The following UNC5A variants were observed in gnomAD, a reference collection of about 807,000 sequenced individuals.
UNC5A encodes the protein unc-5 netrin receptor A.
UNC5A carries 20 observed loss-of-function variants against 87.4 expected under a neutral mutation model. That is an observed-to-expected ratio of 0.23 (90% CI 0.16 to 0.33). The LOEUF (loss-of-function observed/expected upper bound fraction) is 0.33, where lower values mean the gene tolerates loss of function less well. UNC5A is among the 10% of genes least tolerant of loss of function. UNC5A has a pLI of 1.00. For synonymous variants in UNC5A, 438 were observed against 482.3 expected (o/e 0.91, Z 1.20); for missense variants, 844 against 1,133.4 (o/e 0.74, Z 3.67).
At chr5:176,830,603 GGTGTGTGTGTGCGCTGGCGT>G (rs1756980386) in intron 1 of UNC5A, among the ~76,000 whole-genome samples, 1 of 132,006 alleles carries the variant, frequency 7.6e-6, no homozygotes, top group Non-Finnish European at 1.6e-5. Flanking sequence ...TGTGCATGCT[GGTGTGTGTGTGCGCTGGCGT>G]GTGTGTGTGT....
chr5:176,847,364 C>G (rs752570275), intron 1 of UNC5A, among the ~76,000 whole-genome samples: 10 of 152,230 alleles, frequency 6.6e-5, no homozygotes, highest in Non-Finnish European at 1.2e-4. Flanking sequence ...CCCCGCCCTC[C>G]CTCCAGGGCC....
intron 8 of UNC5A, among the ~76,000 whole-genome samples, chr5:176,876,902 G>C (rs985027911): frequency 6.6e-6 from 1 of 152,182 alleles, no homozygotes; most frequent in East Asian, 1.9e-4. Context: ...TGCCTTTCAG[G>C]GGACAAGGGA....
intron 1 of UNC5A, among the ~76,000 whole-genome samples, chr5:176,827,384 T>C (rs1756881935): frequency 6.6e-6 from 1 of 152,064 alleles, no homozygotes; most frequent in African/African-American, 2.4e-5. Context: ...GGTTTCACCA[T>C]GTTGGCCAGG....
rs369918620 is a variant in UNC5A at position 176,879,451 on chromosome 5, G to A, written c.2326G>A (p.Asp776Asn). 82 of 1,611,388 alleles carry A rather than the reference G, an allele frequency of 5.1e-5. No homozygotes were observed. The highest frequency in any genetic ancestry group is 1.9e-4 in the African/African-American group (14 of 75,022). ...SLDPPCRRGA[D>N]WRTLAQKLHL... ...GGACCCACCCTGTAGGCGGGGTGCC[G>A]ACTGGCGGACTCTGGCCCAGAAACT... Residue 776 changes from aspartate (D) to asparagine (N), a missense_variant, in exon 14 of 15, where the codon GAC becomes AAC. Around this residue, in one of 3 missense-constraint regions of UNC5A, gnomAD observed 177 missense variants for 279.4 expected, o/e 0.63. Coordinates refer to ENST00000329542, the MANE Select transcript of UNC5A (RefSeq NM_133369.3).
intron 8 of UNC5A, 70 bp from the exon 9 acceptor site, chr5:176,877,122 A>G: frequency 7.9e-7 from 1 of 1,273,512 alleles, no homozygotes. Flanking sequence ...AGGCTCCTGG[A>G]GGGGCTGTGT....
At chr5:176,862,876 A>T in intron 2 of UNC5A, 31 bp downstream of exon 2, 1 of 1,609,168 alleles carries the variant, frequency 6.2e-7, no homozygotes, top group East Asian at 2.2e-5. Flanking sequence ...GGCAGGGCCA[A>T]TCCGGGGGAG....
chr5:176,872,075 AC>A (rs1383389974), intron 6 of UNC5A, among the ~76,000 whole-genome samples: 6 of 26,260 alleles, frequency 2.3e-4, no homozygotes, highest in Admixed American at 4.8e-4. Flanking sequence ...GCCCACACTC[AC>A]CCCACACCAC....
In UNC5A at chr5:176,845,094, C is replaced by T. The variant is rs1236878432; in HGVS notation, c.71-17530C>T. Among the ~76,000 whole-genome samples, 5 of 152,326 alleles carry T rather than the reference C, an allele frequency of 3.3e-5. No homozygotes were observed. In the East Asian group the frequency reaches 9.6e-4, roughly 29 times the overall value. On this transcript the variant is annotated intron_variant, in intron 1 of 14. Transcript: ENST00000329542. ...ATGACAGAGGCATCTTCTGCTCCCG[C>T]CCTGCCTCCCTCCCCGCCAGGAGAG...
intron 1 of UNC5A, among the ~76,000 whole-genome samples, chr5:176,830,960 G>A (rs1259300538): frequency 2.7e-5 from 4 of 149,720 alleles, no homozygotes; most frequent in African/African-American, 1.0e-4. Flanking sequence ...ATGTGCCGGC[G>A]TGTGTGTGTG....
At chr5:176,856,710 C>T (rs932268126) in intron 1 of UNC5A, among the ~76,000 whole-genome samples, 3 of 152,154 alleles carry the variant, frequency 2.0e-5, no homozygotes, top group Non-Finnish European at 2.9e-5. Flanking sequence ...AGGTCCACCA[C>T]AGTCCACACC....
Position 176,874,927 on chromosome 5 carries a change from C to T in UNC5A, c.1378+361C>T, listed in dbSNP as rs547355000. On this transcript the variant is annotated intron_variant, in intron 8 of 14. Coordinates refer to ENST00000329542, the MANE Select transcript of UNC5A (RefSeq NM_133369.3). This position sits in a 1 kb window ranked among gnomAD's most constrained non-coding sequence, Gnocchi z 7.6. The stretch of plus-strand genomic sequence containing the variant: ...AGATGAGCACGGGCCTGGGCAGAGG[C>T]CATCCTGGAGTCCCCACTGCATCCT... Among the ~76,000 whole-genome samples, 9 of 152,344 alleles carry T rather than the reference C, an allele frequency of 5.9e-5. No individual in the cohort carries two copies. The South Asian group carries it at 1.9e-3, about 32-fold the overall frequency.
chr5:176,873,692 C>T (rs1336728256), intron 6 of UNC5A, among the ~76,000 whole-genome samples: 2 of 152,170 alleles, frequency 1.3e-5, no homozygotes, highest in Non-Finnish European at 2.9e-5. Flanking sequence ...GGGGAAGTAG[C>T]TCTTCCCCTC....
chr5:176,863,322 G>A (rs763002778), intron 2 of UNC5A, among the ~76,000 whole-genome samples: 9 of 152,240 alleles, frequency 5.9e-5, no homozygotes, highest in African/African-American at 7.2e-5. Flanking sequence ...GGAGGCAGAC[G>A]CCGGCATGCC....
At chr5:176,813,431 G>C (rs1177111632) in intron 1 of UNC5A, among the ~76,000 whole-genome samples, 1 of 152,232 alleles carries the variant, frequency 6.6e-6, no homozygotes, top group African/African-American at 2.4e-5. Context: ...CGACACTTGG[G>C]AGAATGCAGC....
chr5:176,820,199 C>A (rs1448206624), intron 1 of UNC5A, among the ~76,000 whole-genome samples: 1 of 152,182 alleles, frequency 6.6e-6, no homozygotes, highest in African/African-American at 2.4e-5. Context: ...AAATCGAGAC[C>A]ATCCTGGCTA....
chr5:176,843,835 GCCCTGGCCCCTGGC>G (rs915532731), intron 1 of UNC5A, among the ~76,000 whole-genome samples: 3 of 152,220 alleles, frequency 2.0e-5, no homozygotes, highest in Admixed American at 6.5e-5. Flanking sequence ...GTCTTGCCCA[GCCCTGGCCCCTGGC>G]CCCTGGCCCC....
At position 176,810,860 on chromosome 5, in the gene UNC5A, G is replaced by C. The variant is rs1049939646; in HGVS notation, c.70+40G>C. On this transcript the variant is annotated intron_variant, in intron 1 of 14. Coordinates refer to ENST00000329542, the MANE Select transcript of UNC5A (RefSeq NM_133369.3). The surrounding 1 kb of genome is among the most constrained non-coding windows in gnomAD (Gnocchi z 7.3). ...GCGCGCTCTGGGGAGGCTTGCGGGG[G>C]ACCGTGCGCGCGAACGCTCGCTGCT... The C allele has an allele frequency of 3.3e-6, 4 of 1,216,712 alleles. No homozygotes were observed. The highest frequency in any genetic ancestry group is 3.1e-5 in the African/African-American group (2 of 63,766). 75.4% of individuals were successfully genotyped at this position (1,216,712 alleles called of 1,614,324 possible).
At chr5:176,846,563 G>GC (rs1335247730) in intron 1 of UNC5A, among the ~76,000 whole-genome samples, 3 of 152,196 alleles carry the variant, frequency 2.0e-5, no homozygotes, top group African/African-American at 7.2e-5. Flanking sequence ...CCCAGATCGG[G>GC]CCCCCCAGTT....
chr5:176,870,097 C>G (rs1386829553), intron 5 of UNC5A, among the ~76,000 whole-genome samples: 1 of 152,162 alleles, frequency 6.6e-6, no homozygotes, highest in African/African-American at 2.4e-5. Flanking sequence ...GACGAGAGAG[C>G]CCTCGCTGCC....
Sources: gnomAD v4.1 joint callset for allele counts (sites outside exome capture counted in the v4.1 genomes callset) on GRCh38, gnomAD v4.1.1 for gene constraint, gnomAD v4.1.1 regional missense constraint, Gnocchi (gnomAD v3.1) non-coding constraint, MANE v1.5 for transcripts, NCBI Gene and HGNC (gene_info 2026-07-23, HGNC 2026-07-21) for gene names.